C12orf56: variants seen among roughly 807,000 people sequenced by gnomAD.
The protein encoded by C12orf56 is chromosome 12 open reading frame 56.
Under a neutral mutation model 69.9 loss-of-function variants are expected in C12orf56, and 71 were observed. That is an observed-to-expected ratio of 1.02 (90% CI 0.84 to 1.24). The LOEUF (loss-of-function observed/expected upper bound fraction) is 1.24, where lower values mean the gene tolerates loss of function less well. Among genes scored for constraint, C12orf56 ranks in the 50% most tolerant of loss-of-function variants. The pLI is 0.00. For missense variants in C12orf56, 732 were observed against 738.5 expected (o/e 0.99, Z 0.10); for synonymous variants, 276 against 274.1 (o/e 1.01, Z -0.07).
At chr12:64,341,560 C>T (rs1282481929) in intron 2 of C12orf56, among the ~76,000 whole-genome samples, 6 of 152,090 alleles carry the variant, frequency 3.9e-5, no homozygotes, top group Admixed American at 6.6e-5. Flanking sequence ...CTTCTTTAGC[C>T]GTAAAGTGAG....
intron 1 of C12orf56, among the ~76,000 whole-genome samples, chr12:64,355,077 CAAAAAAA>C (rs59799966): frequency 1.4e-4 from 12 of 87,608 alleles, no homozygotes; most frequent in Admixed American, 6.8e-4. Flanking sequence ...GACTCCGTCT[CAAAAAAA>C]AAAAAAAAAA....
intron 8 of C12orf56, among the ~76,000 whole-genome samples, chr12:64,283,644 C>T (rs527374610): frequency 6.7e-6 from 1 of 149,334 alleles, no homozygotes; most frequent in African/African-American, 2.5e-5. Flanking sequence ...CTGCTTCTCT[C>T]TCTTTTTTTT....
intron 1 of C12orf56, among the ~76,000 whole-genome samples, chr12:64,360,943 C>T (rs1401817574): frequency 6.6e-6 from 1 of 151,932 alleles, no homozygotes; most frequent in Non-Finnish European, 1.5e-5. Context: ...ATTATTGGGA[C>T]AGATGTGGTG....
chr12:64,279,572 T>C (rs2038097458), intron 8 of C12orf56, among the ~76,000 whole-genome samples: 1 of 152,206 alleles, frequency 6.6e-6, no homozygotes, highest in African/African-American at 2.4e-5. Context: ...CCTTGTTTAG[T>C]AGGATCTGAG....
chr12:64,281,580 TAAAAGAA>T lies in C12orf56; in HGVS notation c.1310+3077_1310+3083del, dbSNP rs1592415623. 2.0e-5 allele frequency among the ~76,000 whole-genome samples: 3 copies of T among 151,448 alleles called. No homozygotes were observed. In the East Asian group the frequency reaches 5.8e-4, roughly 29 times the overall value. ...GAGTGAGACTCCATCTCAAAAAAAA[TAAAAGAA>T]AAAAGAAAACGAATACAGTTTTATT... On this transcript the variant is annotated intron_variant, in intron 8 of 12. Transcript: ENST00000543942.
intron 1 of C12orf56, among the ~76,000 whole-genome samples, chr12:64,359,043 GA>G (rs1185881742): frequency 6.6e-6 from 1 of 152,070 alleles, no homozygotes; most frequent in East Asian, 1.9e-4. Flanking sequence ...ACATGTACAG[GA>G]AGCACTTTTT....
At chr12:64,360,540 A>G (rs1322395344) in intron 1 of C12orf56, among the ~76,000 whole-genome samples, 2 of 152,232 alleles carry the variant, frequency 1.3e-5, no homozygotes, top group Non-Finnish European at 2.9e-5. Context: ...AGATAGATAG[A>G]TAGGATATTG....
chr12:64,360,244 G>T (rs1436206409), intron 1 of C12orf56, among the ~76,000 whole-genome samples: 1 of 151,376 alleles, frequency 6.6e-6, no homozygotes, highest in Admixed American at 6.6e-5. Flanking sequence ...GGCCAGCATG[G>T]CGAAACCCCG....
intron 1 of C12orf56, among the ~76,000 whole-genome samples, chr12:64,362,689 C>CATA (rs2039414738): frequency 6.6e-6 from 1 of 151,978 alleles, no homozygotes. Flanking sequence ...AAGACTCCAT[C>CATA]TCAAAAAAGA....
At chr12:64,378,927 T>C (rs1440987813) in intron 1 of C12orf56, among the ~76,000 whole-genome samples, 2 of 151,828 alleles carry the variant, frequency 1.3e-5, no homozygotes, top group Non-Finnish European at 2.9e-5. Flanking sequence ...GGTGCGTGCC[T>C]GTAGTCCCAG....
chr12:64,341,300 G>A (rs1398368915), intron 2 of C12orf56, among the ~76,000 whole-genome samples: 2 of 152,062 alleles, frequency 1.3e-5, no homozygotes, highest in African/African-American at 4.8e-5. Context: ...TGCCACTTCC[G>A]CTTCCACCCC....
chr12:64,287,079 A>G (rs1252625147), intron 6 of C12orf56, among the ~76,000 whole-genome samples: 3 of 152,026 alleles, frequency 2.0e-5, no homozygotes, highest in East Asian at 3.9e-4. Context: ...TCTACTAAAA[A>G]TACAAAAATT....
chr12:64,281,044 G>T (rs913340796), intron 8 of C12orf56, among the ~76,000 whole-genome samples: 4 of 151,990 alleles, frequency 2.6e-5, no homozygotes, highest in Admixed American at 6.5e-5. Context: ...AGGCCGACGG[G>T]GGGTGGATCA....
At chr12:64,313,274 A>AAGAAAGAAAGAAAGAAAG (rs1555188666) in intron 4 of C12orf56, among the ~76,000 whole-genome samples, 3 of 81,426 alleles carry the variant, frequency 3.7e-5, no homozygotes, top group Non-Finnish European at 7.0e-5. Flanking sequence ...AAAAAAAAAA[A>AAGAAAGAAAGAAAGAAAG]AAAGAAAGAA....
intron 8 of C12orf56, among the ~76,000 whole-genome samples, chr12:64,283,802 G>A (rs2038163415): frequency 6.6e-6 from 1 of 151,934 alleles, no homozygotes; most frequent in African/African-American, 2.4e-5. Context: ...AAAAACCTAG[G>A]TCCCTGGCTC....
intron 1 of C12orf56, among the ~76,000 whole-genome samples, chr12:64,373,874 C>G (rs1320369633): frequency 2.6e-5 from 4 of 152,140 alleles, no homozygotes; most frequent in African/African-American, 9.7e-5. Context: ...TATATGAAAA[C>G]ATTCTGAGTA....
intron 1 of C12orf56, among the ~76,000 whole-genome samples, chr12:64,358,447 G>A (rs2135957667): frequency 7.8e-6 from 1 of 127,876 alleles, no homozygotes; most frequent in Admixed American, 8.1e-5. Flanking sequence ...AACACAGTAA[G>A]ACTCCATCTC....
At chr12:64,275,145 AC>A in intron 10 of C12orf56, 152 bp downstream of exon 10, 1 of 763,616 alleles carries the variant, frequency 1.3e-6, no homozygotes, top group Non-Finnish European at 2.0e-6. Flanking sequence ...ATTGAAATCA[AC>A]CAGTTTTGGA....
chr12:64,285,831 A>G, intron 7 of C12orf56, 123 bp downstream of exon 7: 2 of 467,508 alleles, frequency 4.3e-6, no homozygotes, highest in Non-Finnish European at 7.4e-6. Context: ...TAAAATCCAC[A>G]GGAAGAAAAA....
Sources: gnomAD v4.1 joint callset for allele counts (sites outside exome capture counted in the v4.1 genomes callset) on GRCh38, gnomAD v4.1.1 for gene constraint, MANE v1.5 for transcripts, NCBI Gene and HGNC (gene_info 2026-07-23, HGNC 2026-07-21) for gene names.